The following TBC1D19 variants were observed in gnomAD, a reference collection of about 807,000 sequenced individuals.
TBC1D19 encodes the protein TBC1 domain family member 19.
TBC1D19 carries 60 observed loss-of-function variants against 89.0 expected under a neutral mutation model. The ratio of observed to expected loss-of-function variants is 0.67; its 90% CI spans 0.55 to 0.84. The LOEUF (loss-of-function observed/expected upper bound fraction) is 0.84, where lower values mean the gene tolerates loss of function less well. TBC1D19 is among the 40% of genes least tolerant of loss of function. The probability of loss-of-function intolerance (pLI) is 0.00; values close to 1 mark genes in which losing one functional copy is unlikely to be tolerated. For synonymous variants in TBC1D19, 189 were observed against 199.7 expected (o/e 0.95, Z 0.45); for missense variants, 500 against 610.8 (o/e 0.82, Z 1.91).
intron 10 of TBC1D19, among the ~76,000 whole-genome samples, chr4:26,673,446 T>TATATATATATATATATATACAC (rs373807642): frequency 2.2e-5 from 2 of 90,872 alleles, no homozygotes; most frequent in Admixed American, 1.5e-4. Flanking sequence ...TATATATATA[T>TATATATATATATATATATACAC]ACACACACAC....
At chr4:26,649,183 G>A (rs748783304) in intron 7 of TBC1D19, among the ~76,000 whole-genome samples, 1 of 151,730 alleles carries the variant, frequency 6.6e-6, no homozygotes, top group Non-Finnish European at 1.5e-5. Context: ...TATATTTATA[G>A]TGTCAATATA....
At chr4:26,831,578 C>CTTTTTTTTTTTTTT in the TBC1D19 span, among the ~76,000 whole-genome samples, 1 of 123,368 alleles carries the variant, frequency 8.1e-6, no homozygotes, top group Non-Finnish European at 1.6e-5. Flanking sequence ...TCTTTTTCTT[C>CTTTTTTTTTTTTTT]TTTTTTTTTT....
intron 13 of TBC1D19, among the ~76,000 whole-genome samples, chr4:26,715,918 A>C (rs541028986): frequency 6.6e-5 from 10 of 152,152 alleles, no homozygotes; most frequent in Non-Finnish European, 1.0e-4. Context: ...TCTCCTAACA[A>C]GTCTCCTGGA....
chr4:26,616,921 A>G (rs1233226231), intron 3 of TBC1D19, among the ~76,000 whole-genome samples: 1 of 152,218 alleles, frequency 6.6e-6, no homozygotes, highest in Non-Finnish European at 1.5e-5. Context: ...TTTTATGCCA[A>G]CACTTTATAT....
chr4:26,637,535 C>A (rs535337956), intron 5 of TBC1D19, among the ~76,000 whole-genome samples: 1 of 152,184 alleles, frequency 6.6e-6, no homozygotes, highest in East Asian at 1.9e-4. Flanking sequence ...CCAGGTCTGG[C>A]TAATTTTTTT....
chr4:26,598,845 G>A (rs778828795), intron 1 of TBC1D19, among the ~76,000 whole-genome samples: 1 of 151,978 alleles, frequency 6.6e-6, no homozygotes, highest in African/African-American at 2.4e-5. Flanking sequence ...AACATCAGGA[G>A]GTGAATCCTT....
intron 7 of TBC1D19, among the ~76,000 whole-genome samples, 169 bp downstream of exon 7, chr4:26,640,356 A>G (rs991849261): frequency 1.3e-5 from 2 of 152,216 alleles, no homozygotes; most frequent in South Asian, 2.1e-4. Context: ...CTTGGAAAAT[A>G]TATTGGAATA....
chr4:26,761,545 G>T, the TBC1D19 span, among the ~76,000 whole-genome samples: 2 of 151,804 alleles, frequency 1.3e-5, no homozygotes, highest in Admixed American at 1.3e-4. Context: ...ATTTTATATT[G>T]ACCTTGTATC....
Position 26,613,976 on chromosome 4 carries a change from C to G in TBC1D19, c.173-432C>G, listed in dbSNP as rs555612264. On this transcript the variant is annotated intron_variant, in intron 2 of 20. Coordinates refer to ENST00000264866, the MANE Select transcript of TBC1D19 (RefSeq NM_018317.4). ...ATTGGTAACTCACAATAATCTGCCT[C>G]TGTCGTCCAGGACTTTGCTGACGTG... 3.2e-3 allele frequency among the ~76,000 whole-genome samples: 482 copies of G among 152,300 alleles called. 1 individual carries two copies. Among genetic ancestry groups the G allele is most frequent in the Non-Finnish European group, 4.2e-3 (286 of 68,026 alleles).
intron 13 of TBC1D19, among the ~76,000 whole-genome samples, chr4:26,695,729 C>T (rs1714716604): frequency 6.6e-6 from 1 of 152,172 alleles, no homozygotes; most frequent in African/African-American, 2.4e-5. Flanking sequence ...AAAGAATTTT[C>T]AACCCAGAAT....
intron 7 of TBC1D19, among the ~76,000 whole-genome samples, chr4:26,659,155 T>C (rs1239602600): frequency 6.6e-6 from 1 of 152,206 alleles, no homozygotes; most frequent in African/African-American, 2.4e-5. Flanking sequence ...CCTTGCAATC[T>C]TACTTCATCA....
chr4:26,732,888 C>A (rs921417117), intron 15 of TBC1D19, among the ~76,000 whole-genome samples: 2 of 152,078 alleles, frequency 1.3e-5, no homozygotes. Context: ...GAAGAACAGC[C>A]AAAGGAAGGA....
intron 1 of TBC1D19, among the ~76,000 whole-genome samples, chr4:26,600,697 G>C (rs1337329003): frequency 3.9e-5 from 6 of 152,216 alleles, no homozygotes; most frequent in Admixed American, 3.9e-4. Flanking sequence ...GGGGATGTCA[G>C]CAAAAGAAAA....
intron 1 of TBC1D19, among the ~76,000 whole-genome samples, chr4:26,606,457 T>A (rs1741010159): frequency 6.6e-6 from 1 of 152,096 alleles, no homozygotes; most frequent in African/African-American, 2.4e-5. Context: ...GAAGAGACAT[T>A]AAGCTTATTT....
chr4:26,806,387 A>G, the TBC1D19 span, among the ~76,000 whole-genome samples: 1 of 152,214 alleles, frequency 6.6e-6, no homozygotes, highest in East Asian at 1.9e-4. Flanking sequence ...TAGGGTTGCT[A>G]TGAGGATCAT....
At chr4:26,733,998 C>T (rs1050084224) in intron 15 of TBC1D19, among the ~76,000 whole-genome samples, 3 of 152,152 alleles carry the variant, frequency 2.0e-5, no homozygotes, top group African/African-American at 7.2e-5. Flanking sequence ...TTCATGAAGT[C>T]TTGGAGCAAG....
chr4:26,684,733 T>C (rs1713658486), intron 12 of TBC1D19, among the ~76,000 whole-genome samples: 1 of 152,040 alleles, frequency 6.6e-6, no homozygotes, highest in East Asian at 1.9e-4. Context: ...GTCTCAGAAA[T>C]GGGAAAAAGA....
chr4:26,577,446 T>C (rs951059759), intron 1 of TBC1D19, among the ~76,000 whole-genome samples: 9 of 152,172 alleles, frequency 5.9e-5, no homozygotes, highest in African/African-American at 2.2e-4. Flanking sequence ...ATGCTTAAAG[T>C]TGCAAGAACC....
chr4:26,842,577 T>C, the TBC1D19 span, among the ~76,000 whole-genome samples: 1 of 67,122 alleles, frequency 1.5e-5, no homozygotes, highest in Non-Finnish European at 3.5e-5. Flanking sequence ...TTTTCCTTCC[T>C]CCCTCCCTTT....
Sources: allele counts gnomAD v4.1 joint callset (sites outside exome capture counted in the v4.1 genomes callset), GRCh38; gene constraint gnomAD v4.1.1; transcripts MANE v1.5; gene names NCBI Gene and HGNC (gene_info 2026-07-23, HGNC 2026-07-21).